The following NSMCE2 variants were observed in gnomAD, a reference collection of about 807,000 sequenced individuals.
NSMCE2 encodes the protein NSE2 SUMO ligase component of SMC5/6 complex, also known as E3 SUMO-protein ligase NSE2.
In NSMCE2, 24 loss-of-function variants were observed where a neutral mutation model predicts 23.8. The observed-to-expected ratio is 1.01, with a 90% CI of 0.73 to 1.42. The LOEUF is 1.42. NSMCE2 is among the 40% of genes most tolerant of loss of function. The pLI is 0.00. For missense variants in NSMCE2, 284 were observed against 296.5 expected (o/e 0.96, Z 0.31); for synonymous variants, 92 against 94.1 (o/e 0.98, Z 0.13).
Position 125,190,803 on chromosome 8 carries a change from A to G in NSMCE2, c.418+8547A>G, listed in dbSNP as rs916484985. Among the ~76,000 whole-genome samples, 7 of 152,338 alleles carry G rather than the reference A, an allele frequency of 4.6e-5. No homozygotes were observed. The Middle Eastern group carries it at 0.01, about 222-fold the overall frequency. On this transcript the variant is annotated intron_variant, in intron 5 of 7. Transcript: ENST00000287437. ...TACTGAGTGCTGGTTGAATTAATGA[A>G]TAACAGCCGACATTGTTTGAGTGCT...
At chr8:125,365,063 C>T (rs1443019446) in intron 7 of NSMCE2, among the ~76,000 whole-genome samples, 1 of 152,092 alleles carries the variant, frequency 6.6e-6, no homozygotes, top group Non-Finnish European at 1.5e-5. Flanking sequence ...CTTGTTTCCA[C>T]CCCTTTGTGG....
intron 7 of NSMCE2, among the ~76,000 whole-genome samples, chr8:125,365,258 A>G (rs958944717): frequency 2.0e-5 from 3 of 152,102 alleles, no homozygotes; most frequent in African/African-American, 7.2e-5. Context: ...ACTACCAGTC[A>G]CTGATCTACC....
At chr8:125,272,761 A>G (rs1044442462) in intron 5 of NSMCE2, among the ~76,000 whole-genome samples, 1 of 143,666 alleles carries the variant, frequency 7.0e-6, no homozygotes. Flanking sequence ...ACACGTATAT[A>G]TATATACACA....
At chr8:125,316,376 T>C (rs1829177636) in intron 5 of NSMCE2, among the ~76,000 whole-genome samples, 1 of 152,210 alleles carries the variant, frequency 6.6e-6, no homozygotes, top group African/African-American at 2.4e-5. Flanking sequence ...CAGAAAACAA[T>C]TAGGCAACAA....
chr8:125,274,198 A>G (rs1029529992), intron 5 of NSMCE2, among the ~76,000 whole-genome samples: 1 of 152,206 alleles, frequency 6.6e-6, no homozygotes, highest in African/African-American at 2.4e-5. Context: ...CCCAAGCACA[A>G]AAGAAAGCTT....
chr8:125,123,797 T>C (rs1421537483), intron 3 of NSMCE2, among the ~76,000 whole-genome samples: 1 of 152,270 alleles, frequency 6.6e-6, no homozygotes, highest in Non-Finnish European at 1.5e-5. Flanking sequence ...TAAATTCTTC[T>C]TAATAGTATT....
intron 4 of NSMCE2, among the ~76,000 whole-genome samples, chr8:125,159,680 G>A (rs916580673): frequency 1.3e-5 from 2 of 152,186 alleles, no homozygotes; most frequent in East Asian, 3.8e-4. Flanking sequence ...TGTATCTCCT[G>A]TGGATAAGGG....
chr8:125,202,822 A>G (rs910261840), intron 5 of NSMCE2, among the ~76,000 whole-genome samples: 1 of 152,252 alleles, frequency 6.6e-6, no homozygotes, highest in African/African-American at 2.4e-5. Context: ...AATGTGTTAA[A>G]GATCTTAATG....
chr8:125,162,529 C>T (rs1171205658), intron 4 of NSMCE2, among the ~76,000 whole-genome samples: 2 of 151,856 alleles, frequency 1.3e-5, no homozygotes, highest in Admixed American at 6.6e-5. Context: ...GCTGTGTGGC[C>T]ATAAGCAATT....
intron 5 of NSMCE2, among the ~76,000 whole-genome samples, chr8:125,249,550 A>G (rs953921657): frequency 6.6e-6 from 1 of 152,208 alleles, no homozygotes; most frequent in African/African-American, 2.4e-5. Flanking sequence ...AAAACAAATG[A>G]GTGGACTTTG....
chr8:125,322,128 A>C (rs1470264614), intron 5 of NSMCE2, among the ~76,000 whole-genome samples: 1 of 152,158 alleles, frequency 6.6e-6, no homozygotes, highest in African/African-American at 2.4e-5. Context: ...CCACTTTGGG[A>C]AGCTAAAGTG....
chr8:125,234,916 C>T (rs1162820220), intron 5 of NSMCE2, among the ~76,000 whole-genome samples: 1 of 152,130 alleles, frequency 6.6e-6, no homozygotes, highest in Non-Finnish European at 1.5e-5. Flanking sequence ...TAAACACTGC[C>T]AGTCCTACAG....
chr8:125,364,530 G>T (rs1258181827), intron 7 of NSMCE2, among the ~76,000 whole-genome samples: 4 of 152,222 alleles, frequency 2.6e-5, no homozygotes, highest in African/African-American at 7.2e-5. Flanking sequence ...AGAGCTCTGT[G>T]TGGGCAGGAA....
chr8:125,187,714 G>T (rs927098632), intron 5 of NSMCE2, among the ~76,000 whole-genome samples: 2 of 152,064 alleles, frequency 1.3e-5, no homozygotes, highest in Non-Finnish European at 2.9e-5. Context: ...CTTATGTTTT[G>T]AAAGTTTCTA....
At chr8:125,182,866 A>T (rs913580740) in intron 5 of NSMCE2, 6 of 152,388 alleles carry the variant, frequency 3.9e-5, no homozygotes, top group South Asian at 2.1e-4. Flanking sequence ...TACCAAAAAA[A>T]TTTTTTAGAC....
intron 5 of NSMCE2, among the ~76,000 whole-genome samples, chr8:125,190,143 C>G (rs966790073): frequency 3.3e-5 from 5 of 152,188 alleles, no homozygotes; most frequent in Non-Finnish European, 5.9e-5. Flanking sequence ...CTGCCCTACA[C>G]AAATTTTTTA....
intron 3 of NSMCE2, among the ~76,000 whole-genome samples, chr8:125,132,589 G>C (rs761744316): frequency 1.3e-5 from 2 of 151,944 alleles, no homozygotes; most frequent in Non-Finnish European, 2.9e-5. Context: ...ACCTCCTCAG[G>C]CTTAAGCAAT....
chr8:125,289,378 C>A (rs1828021532), intron 5 of NSMCE2, among the ~76,000 whole-genome samples: 1 of 152,160 alleles, frequency 6.6e-6, no homozygotes, highest in African/African-American at 2.4e-5. Context: ...CTCTCTCAGC[C>A]AATCTGTCTC....
At chr8:125,143,499 G>A (rs1820494225) in intron 3 of NSMCE2, among the ~76,000 whole-genome samples, 1 of 152,084 alleles carries the variant, frequency 6.6e-6, no homozygotes, top group Non-Finnish European at 1.5e-5. Context: ...AGAGTCTTCT[G>A]AGTATATGAG....
Sources: allele counts gnomAD v4.1 joint callset (sites outside exome capture counted in the v4.1 genomes callset), GRCh38; gene constraint gnomAD v4.1.1; transcripts MANE v1.5; gene names NCBI Gene and HGNC (gene_info 2026-07-23, HGNC 2026-07-21).